ATRNL1: variants seen among roughly 807,000 people sequenced by gnomAD.
The protein encoded by ATRNL1 is attractin-like protein 1.
In ATRNL1, 95 loss-of-function variants were observed where a neutral mutation model predicts 182.7. That is an observed-to-expected ratio of 0.52 (90% CI 0.44 to 0.62). The LOEUF is 0.62. Ranked by LOEUF, ATRNL1 falls within the 20% of genes least tolerant of loss-of-function variation. ATRNL1 has a pLI of 0.00. For missense variants in ATRNL1, 1,471 were observed against 1,679.5 expected (o/e 0.88, Z 2.17); for synonymous variants, 576 against 568.3 (o/e 1.01, Z -0.19).
At chr10:115,642,440 C>CTTTT (rs71303504) in intron 26 of ATRNL1, among the ~76,000 whole-genome samples, 1 of 148,818 alleles carries the variant, frequency 6.7e-6, no homozygotes. Context: ...AATTCTAGTG[C>CTTTT]TTTTTTTTTT....
intron 28 of ATRNL1, among the ~76,000 whole-genome samples, chr10:115,881,451 G>A (rs554641197): frequency 2.0e-4 from 30 of 152,286 alleles, no homozygotes; most frequent in African/African-American, 6.5e-4. Context: ...CATCAACTCT[G>A]TAGCACAATA....
chr10:115,680,062 A>G (rs1227710873), intron 26 of ATRNL1, among the ~76,000 whole-genome samples: 7 of 152,102 alleles, frequency 4.6e-5, no homozygotes, highest in Middle Eastern at 3.2e-3. Context: ...TTCAGCTTCC[A>G]GTATCAATTT....
intron 26 of ATRNL1, among the ~76,000 whole-genome samples, chr10:115,724,780 G>A (rs1947542205): frequency 6.6e-6 from 1 of 152,144 alleles, no homozygotes; most frequent in Non-Finnish European, 1.5e-5. Flanking sequence ...GTATTTAAAA[G>A]TAGGACAATT....
chr10:115,105,177 T>A (rs1554865581), intron 1 of ATRNL1, among the ~76,000 whole-genome samples: 1 of 152,214 alleles, frequency 6.6e-6, no homozygotes, highest in Non-Finnish European at 1.5e-5. Flanking sequence ...ATTCTTCCAA[T>A]CCATGAGCAT....
At chr10:115,830,179 GGTTTTT>G (rs1295135045) in intron 27 of ATRNL1, among the ~76,000 whole-genome samples, 5 of 152,108 alleles carry the variant, frequency 3.3e-5, no homozygotes, top group Non-Finnish European at 7.4e-5. Flanking sequence ...AAGGGCTTTG[GGTTTTT>G]GTTTTTGTTT....
intron 10 of ATRNL1, among the ~76,000 whole-genome samples, chr10:115,257,043 A>C (rs1406478012): frequency 6.6e-6 from 1 of 152,070 alleles, no homozygotes; most frequent in East Asian, 1.9e-4. Context: ...GTACTGCTTT[A>C]TTTCTAATTA....
intron 10 of ATRNL1, among the ~76,000 whole-genome samples, chr10:115,249,484 G>C (rs983258131): frequency 6.6e-6 from 1 of 152,024 alleles, no homozygotes; most frequent in Non-Finnish European, 1.5e-5. Context: ...CCTTCAGCTT[G>C]AGTTTTTAAT....
At chr10:115,877,183 A>T (rs1469561034) in intron 28 of ATRNL1, among the ~76,000 whole-genome samples, 1 of 152,216 alleles carries the variant, frequency 6.6e-6, no homozygotes, top group Non-Finnish European at 1.5e-5. Flanking sequence ...TGAAGCTAGG[A>T]TGCTACTTGC....
Position 115,391,624 on chromosome 10 carries a change from T to A in ATRNL1, c.3176-3035T>A, listed in dbSNP as rs540715243. The stretch of plus-strand genomic sequence containing the variant: ...GCTTTTCTACACTATTCAATGCATT[T>A]TTTTTTTTCTTTCGGACTGCAGTAA... On this transcript the variant is annotated intron_variant, in intron 19 of 28. Coordinates refer to ENST00000355044, the MANE Select transcript of ATRNL1 (RefSeq NM_207303.4). Among the ~76,000 whole-genome samples, 1,412 of 151,970 alleles carry A rather than the reference T, an allele frequency of 9.3e-3. 25 individuals are homozygous for A. Among genetic ancestry groups the A allele is most frequent in the African/African-American group, 0.032 (1,342 of 41,402 alleles).
At position 115,287,924 on chromosome 10, in the gene ATRNL1, G is replaced by GTT. The variant is rs11298663; in HGVS notation, c.2415+1549_2415+1550dup. Among the ~76,000 whole-genome samples, 333 of 90,924 alleles carry GTT rather than the reference G, an allele frequency of 3.7e-3. 4 individuals carry two copies. Among genetic ancestry groups the GTT allele is most frequent in the African/African-American group, 8.4e-3 (198 of 23,666 alleles). 59.6% of individuals were successfully genotyped at this position (90,924 alleles called of 152,430 possible). The stretch of plus-strand genomic sequence containing the variant: ...ACATTTTACTTCTATAAGATCAACT[G>GTT]TTTTTTTTTTTTTTTTTTTTTTTAG... On this transcript the variant is annotated intron_variant, in intron 15 of 28. Coordinates refer to ENST00000355044, the MANE Select transcript of ATRNL1 (RefSeq NM_207303.4).
At chr10:115,194,860 TTTTTG>T (rs1307975164) in intron 8 of ATRNL1, among the ~76,000 whole-genome samples, 2 of 151,310 alleles carry the variant, frequency 1.3e-5, no homozygotes, top group African/African-American at 4.9e-5. Flanking sequence ...CTGTTTTAGG[TTTTTG>T]TTTTGTGGTT....
At chr10:115,630,746 TAA>T (rs1858432822) in intron 26 of ATRNL1, among the ~76,000 whole-genome samples, 1 of 147,598 alleles carries the variant, frequency 6.8e-6, no homozygotes, top group Non-Finnish European at 1.5e-5. Flanking sequence ...TATCTATATT[TAA>T]GATATATATT....
chr10:115,340,994 C>CT (rs1217354368), intron 19 of ATRNL1, among the ~76,000 whole-genome samples: 14 of 151,352 alleles, frequency 9.2e-5, no homozygotes, highest in East Asian at 5.8e-4. Flanking sequence ...TTTCATCAGT[C>CT]TTTTTTTTAT....
intron 8 of ATRNL1, among the ~76,000 whole-genome samples, chr10:115,177,071 A>G (rs1468345022): frequency 6.6e-6 from 1 of 152,138 alleles, no homozygotes; most frequent in Non-Finnish European, 1.5e-5. Context: ...GTAGGGGAGA[A>G]AAGGAAGATA....
intron 16 of ATRNL1, among the ~76,000 whole-genome samples, chr10:115,300,818 C>G (rs1592406644): frequency 6.6e-6 from 1 of 152,228 alleles, no homozygotes; most frequent in African/African-American, 2.4e-5. Flanking sequence ...GTGCAAACAT[C>G]ATCACCATTT....
chr10:115,346,348 T>A (rs1054708934), intron 19 of ATRNL1, among the ~76,000 whole-genome samples: 1 of 152,194 alleles, frequency 6.6e-6, no homozygotes, highest in East Asian at 1.9e-4. Context: ...TCATGTTAAG[T>A]GGAATCATGC....
intron 21 of ATRNL1, among the ~76,000 whole-genome samples, chr10:115,433,948 G>A (rs547980953): frequency 6.6e-6 from 1 of 152,112 alleles, no homozygotes; most frequent in Non-Finnish European, 1.5e-5. Flanking sequence ...CCTTTGTAAG[G>A]GTACTCAGCT....
chr10:115,183,043 A>AAT (rs1847807838), intron 8 of ATRNL1, among the ~76,000 whole-genome samples: 4 of 151,476 alleles, frequency 2.6e-5, no homozygotes, highest in Admixed American at 6.6e-5. Context: ...AAATTGACTG[A>AAT]ATATATATAT....
At chr10:115,475,877 T>C (rs932155117) in intron 24 of ATRNL1, among the ~76,000 whole-genome samples, 1 of 151,382 alleles carries the variant, frequency 6.6e-6, no homozygotes, top group African/African-American at 2.4e-5. Flanking sequence ...TATTCCTTTA[T>C]CTTTTACTTA....
Sources: allele counts gnomAD v4.1 joint callset (sites outside exome capture counted in the v4.1 genomes callset), GRCh38; gene constraint gnomAD v4.1.1; transcripts MANE v1.5; gene names NCBI Gene and HGNC (gene_info 2026-07-23, HGNC 2026-07-21).